Variants in JPH2 observed in about 807,000 individuals in gnomAD.
The protein encoded by JPH2 is junctophilin 2, also known as junctophilin-2.
A neutral mutation model predicts 55.9 loss-of-function variants in JPH2; 38 were observed. That is an observed-to-expected ratio of 0.68 (90% CI 0.52 to 0.89). JPH2 has a LOEUF of 0.89. Ranked by LOEUF, JPH2 falls within the 40% of genes least tolerant of loss-of-function variation. JPH2 has a pLI of 0.00. For synonymous variants in JPH2, 480 were observed against 472.4 expected (o/e 1.02, Z -0.21); for missense variants, 964 against 1,037.6 (o/e 0.93, Z 0.97).
At chr20:44,152,413 C>A (rs2072537579) in intron 2 of JPH2, among the ~76,000 whole-genome samples, 1 of 152,128 alleles carries the variant, frequency 6.6e-6, no homozygotes, top group African/African-American at 2.4e-5. Flanking sequence ...CGGTAGCTCA[C>A]ATCTGTAATC....
chr20:44,185,797 A>G (rs2072833165), intron 1 of JPH2, among the ~76,000 whole-genome samples: 1 of 151,466 alleles, frequency 6.6e-6, no homozygotes, highest in African/African-American at 2.4e-5. Flanking sequence ...GTGGGTGGGT[A>G]GATGGATGGA....
intron 2 of JPH2, among the ~76,000 whole-genome samples, chr20:44,143,451 T>C (rs2072472812): frequency 6.6e-6 from 1 of 152,150 alleles, no homozygotes; most frequent in African/African-American, 2.4e-5. Flanking sequence ...GGAGGCCCCT[T>C]CACCCTCTGC....
chr20:44,144,766 G>A (rs2072481756), intron 2 of JPH2, among the ~76,000 whole-genome samples: 1 of 152,198 alleles, frequency 6.6e-6, no homozygotes, highest in Non-Finnish European at 1.5e-5. Context: ...AATATAATAA[G>A]TAGCACCTCC....
chr20:44,129,135 T>C (rs1046482682), intron 2 of JPH2, among the ~76,000 whole-genome samples: 2 of 152,186 alleles, frequency 1.3e-5, no homozygotes, highest in Non-Finnish European at 2.9e-5. Flanking sequence ...TCAGGCCCTA[T>C]GTAGAACCTC....
intron 2 of JPH2, among the ~76,000 whole-genome samples, chr20:44,154,418 C>T (rs1230503788): frequency 6.6e-6 from 1 of 152,214 alleles, no homozygotes; most frequent in Non-Finnish European, 1.5e-5. Context: ...ACATTTACAG[C>T]GCATCTCCAT....
intron 2 of JPH2, among the ~76,000 whole-genome samples, chr20:44,138,009 CTT>C (rs556691395): frequency 2.0e-4 from 28 of 140,714 alleles, no homozygotes; most frequent in Non-Finnish European, 2.3e-4. Flanking sequence ...TTAAAAAGAC[CTT>C]TTTTTTTTTT....
chr20:44,160,173 A>G lies in JPH2; in HGVS notation c.614T>C (p.Leu205Pro). ...IPRGGFALSLLANAEAAARAP... is the reference protein window; with the variant it reads ...IPRGGFALSLPANAEAAARAP... ...CCGCGCGGCCGCCTCGGCATTGGCC[A>G]GGAGGCTGAGCGCGAAGCCGCCACG... The change falls in exon 2 of 6, where the codon CTG (leucine) becomes CCG (proline). Residue 205 changes from leucine to proline, a missense_variant. Physicochemically the swap from Leu to Pro is moderately conservative, Grantham distance 98. Transcript: ENST00000372980. The surrounding 1 kb of genome is among the most constrained non-coding windows in gnomAD (Gnocchi z 4.9). The G allele has an allele frequency of 2.8e-6, 4 of 1,413,172 alleles. No individual in the cohort carries two copies. The highest frequency in any genetic ancestry group is 3.7e-6 in the Non-Finnish European group (4 of 1,093,410). 87.5% of individuals were successfully genotyped at this position (1,413,172 alleles called of 1,614,324 possible).
intron 2 of JPH2, among the ~76,000 whole-genome samples, chr20:44,138,458 A>G (rs1293410926): frequency 6.6e-6 from 1 of 152,174 alleles, no homozygotes; most frequent in Admixed American, 6.5e-5. Context: ...GGCTCCCTGA[A>G]GCCTCAACTT....
intron 1 of JPH2, among the ~76,000 whole-genome samples, chr20:44,164,590 C>T (rs1224155335): frequency 6.6e-6 from 1 of 152,120 alleles, no homozygotes; most frequent in Non-Finnish European, 1.5e-5. Flanking sequence ...ACACACAACA[C>T]ATGAATGGGT....
chr20:44,162,779 TATATATATACACAC>T (rs1456479391), intron 1 of JPH2, among the ~76,000 whole-genome samples: 3 of 79,778 alleles, frequency 3.8e-5, no homozygotes, highest in African/African-American at 1.1e-4. Flanking sequence ...TATATATATA[TATATATATACACAC>T]ACACACACAC....
Position 44,160,046 on chromosome 20 carries a change from G to A in JPH2, c.741C>T (p.Ser247=), listed in dbSNP as rs774855296. The part of the protein sequence containing the change: ...TSVGSQRSRV[S]FLKSDLSSGA... ...CCGAGCTGAGGTCGCTCTTAAGGAAGCTGACACGGCTGCGCTGGCTACCCA... is the reference window on the plus strand; with the variant it reads ...CCGAGCTGAGGTCGCTCTTAAGGAAACTGACACGGCTGCGCTGGCTACCCA... Residue 247 remains serine, a synonymous_variant, in exon 2 of 6, where the codon AGC becomes AGT. Transcript: ENST00000372980. This position sits in a 1 kb window ranked among gnomAD's most constrained non-coding sequence, Gnocchi z 4.9. The A allele has an allele frequency of 4.5e-6, 7 of 1,549,484 alleles. No homozygotes were observed. The highest frequency in any genetic ancestry group is 5.2e-6 in the Non-Finnish European group (6 of 1,154,058).
rs146930020 is a variant in JPH2 at position 44,178,302 on chromosome 20, C to A, written c.379+8025G>T. The stretch of plus-strand genomic sequence containing the variant: ...ACAAAAATAGTTGTATTTCTATAAA[C>A]TAGCAGTGAACAATTGAAAAAATAA... On this transcript the variant is annotated intron_variant, in intron 1 of 5. Coordinates refer to ENST00000372980, the MANE Select transcript of JPH2 (RefSeq NM_020433.5). Among the ~76,000 whole-genome samples the A allele has an allele frequency of 9.2e-5, 14 of 152,252 alleles. No homozygotes were observed. The East Asian group carries it at 2.7e-3, about 29-fold the overall frequency.
intron 1 of JPH2, among the ~76,000 whole-genome samples, chr20:44,181,225 A>G (rs1240749848): frequency 6.6e-6 from 1 of 152,182 alleles, no homozygotes; most frequent in African/African-American, 2.4e-5. Context: ...GAAGACGCCA[A>G]GTCAAGTCAC....
chr20:44,132,376 A>ACG (rs2072326633), intron 2 of JPH2, among the ~76,000 whole-genome samples: 1 of 139,596 alleles, frequency 7.2e-6, no homozygotes, highest in African/African-American at 2.8e-5. Context: ...ACACACACAC[A>ACG]CACACACACA....
At chr20:44,127,024 A>G (rs979935067) in intron 2 of JPH2, among the ~76,000 whole-genome samples, 6 of 152,252 alleles carry the variant, frequency 3.9e-5, no homozygotes, top group Admixed American at 1.3e-4. Context: ...TTCTGTTACT[A>G]TTATAACAAT....
At chr20:44,138,100 C>T (rs915212404) in intron 2 of JPH2, among the ~76,000 whole-genome samples, 8 of 149,512 alleles carry the variant, frequency 5.4e-5, no homozygotes, top group South Asian at 2.1e-4. Context: ...CTCTGCCTCC[C>T]GGGCTCAAGC....
chr20:44,179,348 A>G (rs978100844), intron 1 of JPH2, among the ~76,000 whole-genome samples: 1 of 152,134 alleles, frequency 6.6e-6, no homozygotes, highest in Non-Finnish European at 1.5e-5. Flanking sequence ...TTTTGCATTC[A>G]CTGCCAGGGA....
At chr20:44,122,599 T>C (rs1325342776) in intron 2 of JPH2, among the ~76,000 whole-genome samples, 1 of 152,194 alleles carries the variant, frequency 6.6e-6, no homozygotes, top group Non-Finnish European at 1.5e-5. Flanking sequence ...GGTGCATGCA[T>C]GGCTTTACCT....
chr20:44,164,940 C>T (rs184615152), intron 1 of JPH2, among the ~76,000 whole-genome samples: 97 of 151,230 alleles, frequency 6.4e-4, no homozygotes, highest in Admixed American at 1.1e-3. Context: ...TGGGTTCAAG[C>T]GATTCTCCTG....
Sources: allele counts gnomAD v4.1 joint callset (sites outside exome capture counted in the v4.1 genomes callset), GRCh38; gene constraint gnomAD v4.1.1; non-coding constraint Gnocchi (gnomAD v3.1); transcripts MANE v1.5; gene names NCBI Gene and HGNC (gene_info 2026-07-23, HGNC 2026-07-21).